RFTN1: variants seen among roughly 807,000 people sequenced by gnomAD.
RFTN1 encodes raftlin, lipid raft linker 1.
Under a neutral mutation model 46.5 loss-of-function variants are expected in RFTN1, and 26 were observed. That is an observed-to-expected ratio of 0.56 (90% CI 0.41 to 0.78). The LOEUF is 0.78. RFTN1 is among the 30% of genes least tolerant of loss of function. RFTN1 has a pLI of 0.00. For missense variants in RFTN1, 693 were observed against 718.7 expected (o/e 0.96, Z 0.41); for synonymous variants, 261 against 284.2 (o/e 0.92, Z 0.82).
Position 16,446,889 on chromosome 3 carries a change from G to A in RFTN1, c.146-12852C>T, listed in dbSNP as rs2075741280. ...ACACTGGTTTATCAATAAAGTCTTA[G>A]GTGAATTTTCAAAAGCTTCTGAATA... is the stretch of plus-strand genomic sequence containing the variant. On this transcript the variant is annotated intron_variant, in intron 2 of 9. Coordinates refer to ENST00000334133, the MANE Select transcript of RFTN1 (RefSeq NM_015150.2). This position sits in a 1 kb window ranked among gnomAD's most constrained non-coding sequence, Gnocchi z 4.5. 6.6e-6 allele frequency among the ~76,000 whole-genome samples: 1 copy of A among 152,108 alleles called. No individual in the cohort carries two copies. The highest frequency in any genetic ancestry group is 1.5e-5 in the Non-Finnish European group (1 of 68,028).
intron 3 of RFTN1, among the ~76,000 whole-genome samples, chr3:16,419,514 T>C (rs1026116411): frequency 6.6e-6 from 1 of 152,094 alleles, no homozygotes; most frequent in Non-Finnish European, 1.5e-5. Flanking sequence ...GTCCCTGCAA[T>C]TGGTGGTGGT....
chr3:16,494,807 T>A (rs1242060389), intron 1 of RFTN1, among the ~76,000 whole-genome samples: 1 of 152,202 alleles, frequency 6.6e-6, no homozygotes, highest in Non-Finnish European at 1.5e-5. Context: ...AAACGATGCT[T>A]TCCTCCTCTC....
At chr3:16,496,688 C>T (rs575988863) in intron 1 of RFTN1, among the ~76,000 whole-genome samples, 231 of 152,228 alleles carry the variant, frequency 1.5e-3, no homozygotes, top group African/African-American at 5.1e-3. Flanking sequence ...GAAAGCTGAA[C>T]GCATGCCTAT....
chr3:16,487,034 G>C (rs2076459112), intron 2 of RFTN1, among the ~76,000 whole-genome samples: 2 of 152,118 alleles, frequency 1.3e-5, no homozygotes, highest in African/African-American at 4.8e-5. Context: ...GAAGGCTGTT[G>C]TCTGCAAGCC....
At chr3:16,409,807 C>A (rs2074945463) in intron 3 of RFTN1, among the ~76,000 whole-genome samples, 1 of 151,962 alleles carries the variant, frequency 6.6e-6, no homozygotes, top group African/African-American at 2.4e-5. Context: ...GCCTCAGCCT[C>A]CCCAGTAGCT....
chr3:16,378,123 AGGGAAACAAGTGAATGAAAT>A (rs2073850357), intron 4 of RFTN1, 21 bp from the exon 5 acceptor site: 1 of 1,595,244 alleles, frequency 6.3e-7, no homozygotes, highest in South Asian at 1.1e-5. Flanking sequence ...AACAAAAGGA[AGGGAAACAAGTGAATGAAAT>A]GGTCTATCAA....
At position 16,418,817 on chromosome 3, in the gene RFTN1, CATTT is replaced by C. The variant is rs2125463806; in HGVS notation, c.333-9338_333-9335del. 6.6e-6 allele frequency among the ~76,000 whole-genome samples: 1 copy of C among 152,190 alleles called. No individual in the cohort carries two copies. Reference sequence around the variant, plus strand: ...ATGACAATAAAAATCTCCACTTATTCATTTGTCTATCCATCACCTGCTTGACTGC... The same window carrying C: ...ATGACAATAAAAATCTCCACTTATTCGTCTATCCATCACCTGCTTGACTGC... On this transcript the variant is annotated intron_variant, in intron 3 of 9. Transcript: ENST00000334133. This position sits in a 1 kb window ranked among gnomAD's most constrained non-coding sequence, Gnocchi z 5.0.
In RFTN1 at chr3:16,361,532, C is replaced by T. The variant is rs936785530; in HGVS notation, c.1031-3485G>A. Among the ~76,000 whole-genome samples, 4 of 152,094 alleles carry T rather than the reference C, an allele frequency of 2.6e-5. No homozygotes were observed. The highest frequency in any genetic ancestry group is 7.2e-5 in the African/African-American group (3 of 41,404). On this transcript the variant is annotated intron_variant, in intron 6 of 9. Coordinates refer to ENST00000334133, the MANE Select transcript of RFTN1 (RefSeq NM_015150.2). The surrounding 1 kb of genome is among the most constrained non-coding windows in gnomAD (Gnocchi z 4.3). Reference sequence around the variant, plus strand: ...GGCATCAGGGTAGGGCTCCCCACTTCGAGTGAACTAAGCAAGCAAGGAACA... The same window carrying T: ...GGCATCAGGGTAGGGCTCCCCACTTTGAGTGAACTAAGCAAGCAAGGAACA...
In RFTN1 at chr3:16,327,793, C is replaced by T. The variant is rs543504907; in HGVS notation, c.1147-917G>A. 6.6e-6 allele frequency among the ~76,000 whole-genome samples: 1 copy of T among 151,814 alleles called. No homozygotes were observed. Among genetic ancestry groups the T allele is most frequent in the East Asian group, 2.0e-4 (1 of 5,104 alleles). ...AAAAACAAAACGAAAAAAACTTCAG[C>T]CCCCTGCTAGCACAGGGAGAGAGCC... is the stretch of plus-strand genomic sequence containing the variant. On this transcript the variant is annotated intron_variant, in intron 7 of 9. Coordinates refer to ENST00000334133, the MANE Select transcript of RFTN1 (RefSeq NM_015150.2). The surrounding 1 kb of genome is among the most constrained non-coding windows in gnomAD (Gnocchi z 4.2).
In RFTN1 at chr3:16,481,301, G is replaced by C. The variant is rs368388991; in HGVS notation, c.145+12424C>G. Reference sequence around the variant, plus strand: ...TTTGCTCAGAAAAACTTAAAGCTACGTCACACATATTATCTCATTTATCTT... The same window carrying C: ...TTTGCTCAGAAAAACTTAAAGCTACCTCACACATATTATCTCATTTATCTT... On this transcript the variant is annotated intron_variant, in intron 2 of 9. Transcript: ENST00000334133. This position sits in a 1 kb window ranked among gnomAD's most constrained non-coding sequence, Gnocchi z 5.1. 6.6e-6 allele frequency among the ~76,000 whole-genome samples: 1 copy of C among 152,086 alleles called. No individual in the cohort carries two copies. Among genetic ancestry groups the C allele is most frequent in the Non-Finnish European group, 1.5e-5 (1 of 68,032 alleles).
At chr3:16,467,510 C>T (rs953668850) in intron 2 of RFTN1, among the ~76,000 whole-genome samples, 1 of 152,170 alleles carries the variant, frequency 6.6e-6, no homozygotes, top group Admixed American at 6.5e-5. Context: ...TTGACTCATT[C>T]GTGATCCTCA....
chr3:16,368,453 C>T (rs1256437234), intron 6 of RFTN1, among the ~76,000 whole-genome samples: 2 of 152,180 alleles, frequency 1.3e-5, no homozygotes, highest in African/African-American at 2.4e-5. Context: ...GGGTGGATCA[C>T]GAGGTCAGGG....
chr3:16,358,891 G>T (rs1404913537), intron 6 of RFTN1, among the ~76,000 whole-genome samples: 4 of 151,864 alleles, frequency 2.6e-5, no homozygotes, highest in African/African-American at 9.7e-5. Flanking sequence ...AATTAGCTGG[G>T]CGTGGCAGGG....
intron 4 of RFTN1, among the ~76,000 whole-genome samples, chr3:16,389,892 T>C (rs2074306075): frequency 6.6e-6 from 1 of 152,174 alleles, no homozygotes; most frequent in African/African-American, 2.4e-5. Flanking sequence ...CAAGGTATAA[T>C]CATCAGAATT....
intron 1 of RFTN1, 45 bp from the exon 2 acceptor site, chr3:16,493,922 A>AT: frequency 6.8e-6 from 11 of 1,610,102 alleles, no homozygotes; most frequent in Non-Finnish European, 9.3e-6. Flanking sequence ...TTTTTCTGAG[A>AT]TTTTGTCTTT....
chr3:16,434,349 C>T (rs2075455219), intron 2 of RFTN1, among the ~76,000 whole-genome samples: 2 of 146,752 alleles, frequency 1.4e-5, no homozygotes, highest in Admixed American at 6.9e-5. Flanking sequence ...CATAGTAAAA[C>T]TCGGTCTCTC....
chr3:16,503,618 A>G (rs2076750252), intron 1 of RFTN1, among the ~76,000 whole-genome samples: 2 of 152,110 alleles, frequency 1.3e-5, no homozygotes, highest in Admixed American at 6.6e-5. Context: ...GATCTCTCCT[A>G]CACCCTCACC....
Position 16,451,346 on chromosome 3 carries a change from T to A in RFTN1, c.146-17309A>T, listed in dbSNP as rs1238704827. On this transcript the variant is annotated intron_variant, in intron 2 of 9. Coordinates refer to ENST00000334133, the MANE Select transcript of RFTN1 (RefSeq NM_015150.2). This position sits in a 1 kb window ranked among gnomAD's most constrained non-coding sequence, Gnocchi z 4.2. ...CATTCCTTCCAGGACACATGGTAGA[T>A]GCCCCTGCATGCTGGACACGAAGTC... is the stretch of plus-strand genomic sequence containing the variant. Among the ~76,000 whole-genome samples, 2 of 152,188 alleles carry A rather than the reference T, an allele frequency of 1.3e-5. No homozygotes were observed. Among genetic ancestry groups the A allele is most frequent in the Admixed American group, 1.3e-4 (2 of 15,288 alleles).
rs1200328843 is a variant in RFTN1 at position 16,460,148 on chromosome 3, CTG to C, written c.146-26113_146-26112del. On this transcript the variant is annotated intron_variant, in intron 2 of 9. Transcript: ENST00000334133. This position sits in a 1 kb window ranked among gnomAD's most constrained non-coding sequence, Gnocchi z 4.8. ...AAATATGCATGGTGGAAGGAGTAAA[CTG>C]TGTAGATTATTCTGGCCCTGCAAAA... Among the ~76,000 whole-genome samples, 2 of 152,102 alleles carry C rather than the reference CTG, an allele frequency of 1.3e-5. No individual in the cohort carries two copies. Among genetic ancestry groups the C allele is most frequent in the Non-Finnish European group, 2.9e-5 (2 of 68,038 alleles).
Sources: gnomAD v4.1 joint callset for allele counts (sites outside exome capture counted in the v4.1 genomes callset) on GRCh38, gnomAD v4.1.1 for gene constraint, Gnocchi (gnomAD v3.1) non-coding constraint, MANE v1.5 for transcripts, NCBI Gene and HGNC (gene_info 2026-07-23, HGNC 2026-07-21) for gene names.